NAPA: variants seen among roughly 807,000 people sequenced by gnomAD.
NAPA encodes alpha-soluble NSF attachment protein.
Under a neutral mutation model 48.0 loss-of-function variants are expected in NAPA, and 18 were observed. The ratio of observed to expected loss-of-function variants is 0.38; its 90% CI spans 0.26 to 0.56. The LOEUF (loss-of-function observed/expected upper bound fraction) is 0.56, where lower values mean the gene tolerates loss of function less well. Among genes scored for constraint, NAPA ranks in the 20% least tolerant of loss-of-function variants. The pLI is 0.77. For missense variants in NAPA, 315 were observed against 385.0 expected, an observed-to-expected ratio of 0.82 and a Z score of 1.52; for synonymous variants, 152 against 149.9, an observed-to-expected ratio of 1.01 and a Z score of -0.10.
Position 47,500,727 on chromosome 19 carries a change from C to T in NAPA, c.201G>A (p.Gln67=), listed in dbSNP as rs377312872. ...NWSAAGNAFC[Q]AAQLHLQLQS... ...GGAGCTGCAGGTGCAGCTGTGCAGC[C>T]TGGCAGAACGCGTTTCCAGCAGCTG... The change falls in exon 3 of 11, where the codon CAG becomes CAA. Residue 67 remains glutamine (Q), a synonymous_variant. Transcript: ENST00000263354. 6.2e-7 allele frequency: 1 copy of T among 1,607,914 alleles called. No homozygotes were observed. The highest frequency in any genetic ancestry group is 1.3e-5 in the African/African-American group (1 of 74,732).
chr19:47,504,659 G>A lies in NAPA; in HGVS notation c.99-1157C>T, dbSNP rs1325952609. Among the ~76,000 whole-genome samples the A allele has an allele frequency of 5.3e-5, 8 of 151,312 alleles. No individual in the cohort carries two copies. In the South Asian group the frequency reaches 1.0e-3, roughly 20 times the overall value. The stretch of plus-strand genomic sequence containing the variant: ...AAAATATATACATATATACACACAC[G>A]TGTACATATATACACATGTGTATAT... On this transcript the variant is annotated intron_variant, in intron 1 of 10. Coordinates refer to ENST00000263354, the MANE Select transcript of NAPA (RefSeq NM_003827.4).
chr19:47,490,518 T>G (rs1968232748), intron 9 of NAPA, among the ~76,000 whole-genome samples: 1 of 54,170 alleles, frequency 1.8e-5, no homozygotes, highest in African/African-American at 6.2e-5. Flanking sequence ...GTGTGTGTAG[T>G]GTATGTTTGG....
At chr19:47,509,405 T>G (rs1968762435) in intron 1 of NAPA, among the ~76,000 whole-genome samples, 1 of 152,184 alleles carries the variant, frequency 6.6e-6, no homozygotes, top group African/African-American at 2.4e-5. Context: ...AGGCCTGGCC[T>G]CAGCGCCAGC....
rs754104858 is a variant in NAPA, at chr19:47,493,159, C to T, written c.436G>A (p.Glu146Lys). 8.8e-6 allele frequency: 14 copies of T among 1,599,752 alleles called. No individual in the cohort carries two copies. In the Admixed American group the frequency reaches 1.3e-4, roughly 15 times the overall value. ...VDIEKAIAHY[E>K]QSADYYKGEE... ...CCTTTGTAGTAGTCTGCAGACTGCT[C>T]GTAGTGGGCAATGGCCTGGGGAGAC... Residue 146 changes from glutamate to lysine, a missense_variant, in exon 6 of 11, where the codon GAG (glutamate) becomes AAG (lysine). Physicochemically the swap from Glu to Lys is moderately conservative, Grantham distance 56. Coordinates refer to ENST00000263354, the MANE Select transcript of NAPA (RefSeq NM_003827.4). The surrounding 1 kb of genome is among the most constrained non-coding windows in gnomAD (Gnocchi z 6.4).
rs752039778 is a variant in NAPA, at chr19:47,488,348, G to A, written c.828C>T (p.Leu276=). Residue 276 remains leucine (L), a synonymous_variant, in exon 11 of 11, where the codon CTC becomes CTT. Transcript: ENST00000263354. ...YDSISRLDQW[L]TTMLLRIKKT... The stretch of plus-strand genomic sequence containing the variant: ...TCTTGATGCGCAGCAGCATGGTGGT[G>A]AGCCACTGGTCCAGCCGGGAGATGG... 2.5e-6 allele frequency: 4 copies of A among 1,613,556 alleles called. No homozygotes were observed. Among genetic ancestry groups the A allele is most frequent in the East Asian group, 2.2e-5 (1 of 44,862 alleles).
chr19:47,509,471 C>T (rs924256731), intron 1 of NAPA, among the ~76,000 whole-genome samples: 3 of 152,176 alleles, frequency 2.0e-5, no homozygotes, highest in African/African-American at 7.2e-5. Flanking sequence ...GACTCCACAC[C>T]TTGCAGGGCT....
At chr19:47,507,925 C>T (rs1158048893) in intron 1 of NAPA, among the ~76,000 whole-genome samples, 1 of 152,154 alleles carries the variant, frequency 6.6e-6, no homozygotes, top group African/African-American at 2.4e-5. Flanking sequence ...TCCAGTCCTG[C>T]CCTTGCCTCT....
At chr19:47,508,291 G>A (rs698699) in intron 1 of NAPA, among the ~76,000 whole-genome samples, 96,299 of 152,172 alleles carry the variant, frequency 0.63, 35,489 homozygotes, top group Non-Finnish European at 0.82. Context: ...CTGCACTGGA[G>A]CTGGGAGCTG....
chr19:47,514,599 G>A (rs550865122), intron 1 of NAPA, among the ~76,000 whole-genome samples: 4 of 152,148 alleles, frequency 2.6e-5, no homozygotes, highest in Admixed American at 1.3e-4. Context: ...GCCTCGGTCC[G>A]TGTGTCCTCA....
chr19:47,501,901 C>T (rs890940754), intron 2 of NAPA, among the ~76,000 whole-genome samples: 3 of 152,114 alleles, frequency 2.0e-5, no homozygotes, highest in East Asian at 1.9e-4. Context: ...CAAAGCCTTC[C>T]GGGTTTTCAC....
In NAPA at chr19:47,497,821, G is replaced by A. The variant is rs57665105; in HGVS notation, c.296-2225C>T. 1.5e-4 allele frequency among the ~76,000 whole-genome samples: 23 copies of A among 152,372 alleles called. No individual in the cohort carries two copies. In the East Asian group the frequency reaches 4.2e-3, roughly 28 times the overall value. On this transcript the variant is annotated intron_variant, in intron 3 of 10. Transcript: ENST00000263354. ...AATCAAATGGGTTAAAAGATGCCAA[G>A]CATCTGGTACACAGTAGAAACCCAG...
intron 1 of NAPA, among the ~76,000 whole-genome samples, chr19:47,511,060 C>T (rs1034701192): frequency 2.0e-5 from 3 of 152,346 alleles, no homozygotes; most frequent in Admixed American, 2.0e-4. Flanking sequence ...GTCCCAGGTG[C>T]GGGCTCTCTG....
chr19:47,486,597 A>T (rs1968084725), downstream of NAPA, among the ~76,000 whole-genome samples: 2 of 152,180 alleles, frequency 1.3e-5, no homozygotes, highest in South Asian at 2.1e-4. Context: ...CACAGCACCC[A>T]GCCCCAAGTC....
intron 7 of NAPA, 197 bp downstream of exon 7, chr19:47,492,764 C>T (rs757875337): frequency 4.2e-5 from 29 of 697,158 alleles, no homozygotes; most frequent in South Asian, 2.5e-4. Flanking sequence ...GGTGCTGGCA[C>T]GGCATGGAGT....
At chr19:47,486,067 C>T (rs534826928), downstream of NAPA, among the ~76,000 whole-genome samples, 5 of 152,228 alleles carry the variant, frequency 3.3e-5, no homozygotes, top group East Asian at 7.7e-4. Context: ...CAAAACAAAC[C>T]AAAACAGGCC....
intron 4 of NAPA, 30 bp downstream of exon 4, chr19:47,495,520 G>C (rs773561385): frequency 6.2e-7 from 1 of 1,612,004 alleles, no homozygotes; most frequent in African/African-American, 1.3e-5. Context: ...GTGGGACCCG[G>C]GGGTGTCAGG....
At chr19:47,495,326 A>G (rs1406510820) in intron 4 of NAPA, 1 of 594,440 alleles carries the variant, frequency 1.7e-6, no homozygotes, top group Non-Finnish European at 3.0e-6. Context: ...GAAAACCATG[A>G]CTGCCTGTGG....
At chr19:47,503,335 C>T (rs769981347) in intron 2 of NAPA, 88 bp downstream of exon 2, 18 of 1,273,414 alleles carry the variant, frequency 1.4e-5, no homozygotes, top group Non-Finnish European at 2.1e-5. Flanking sequence ...AAAGGGCCCT[C>T]AAGGCCAACC....
Position 47,493,188 on chromosome 19 carries a change from G to T in NAPA, c.421-14C>A. 1 of 1,578,830 alleles carries T rather than the reference G, an allele frequency of 6.3e-7. No homozygotes were observed. The highest frequency in any genetic ancestry group is 8.6e-7 in the Non-Finnish European group (1 of 1,159,544). ...GTGGGCAATGGCCTGGGGAGACACG[G>T]GGGATGGGTTCCAGGGGAGGGCAGG... On this transcript the variant is annotated splice_polypyrimidine_tract_variant and intron_variant, in intron 5 of 10. Transcript: ENST00000263354. The surrounding 1 kb of genome is among the most constrained non-coding windows in gnomAD (Gnocchi z 6.4).
Sources: gnomAD v4.1 joint callset for allele counts (sites outside exome capture counted in the v4.1 genomes callset) on GRCh38, gnomAD v4.1.1 for gene constraint, Gnocchi (gnomAD v3.1) non-coding constraint, MANE v1.5 for transcripts, NCBI Gene and HGNC (gene_info 2026-07-23, HGNC 2026-07-21) for gene names.